The following CDH19 variants were observed in gnomAD, a reference collection of about 807,000 sequenced individuals.
CDH19 encodes the protein cadherin-19.
CDH19 carries 67 observed loss-of-function variants against 64.2 expected under a neutral mutation model. That is an observed-to-expected ratio of 1.04 (90% CI 0.86 to 1.28). The LOEUF (loss-of-function observed/expected upper bound fraction) is 1.28, where lower values mean the gene tolerates loss of function less well. CDH19 is among the 50% of genes most tolerant of loss of function. The pLI, the probability that CDH19 is intolerant of heterozygous loss-of-function variation, is 0.00. For missense variants in CDH19, 1,030 were observed against 929.0 expected, an observed-to-expected ratio of 1.11 and a Z score of -1.41; for synonymous variants, 346 against 319.3, an observed-to-expected ratio of 1.08 and a Z score of -0.89.
chr18:66,589,456 T>C (rs1321511164), intron 1 of CDH19, among the ~76,000 whole-genome samples: 2 of 151,906 alleles, frequency 1.3e-5, no homozygotes, highest in African/African-American at 4.8e-5. Context: ...GTATAGTAAA[T>C]AAACCATTGT....
intron 1 of CDH19, among the ~76,000 whole-genome samples, chr18:66,594,036 T>G (rs145626381): frequency 6.6e-6 from 1 of 152,218 alleles, no homozygotes; most frequent in Non-Finnish European, 1.5e-5. Flanking sequence ...ATCTGTTTCA[T>G]GTACAATGAC....
At chr18:66,517,205 C>G (rs1419335414) in intron 9 of CDH19, among the ~76,000 whole-genome samples, 1 of 151,714 alleles carries the variant, frequency 6.6e-6, no homozygotes, top group Non-Finnish European at 1.5e-5. Flanking sequence ...AACTTTTGGA[C>G]ACAAAAGTGA....
intron 1 of CDH19, among the ~76,000 whole-genome samples, chr18:66,600,990 C>T (rs1989024295): frequency 1.3e-5 from 2 of 151,822 alleles, no homozygotes; most frequent in Admixed American, 6.6e-5. Flanking sequence ...GGAAGAGTTA[C>T]ATTTTGCTTT....
chr18:66,523,729 C>G (rs1986093810), intron 9 of CDH19, among the ~76,000 whole-genome samples: 1 of 151,818 alleles, frequency 6.6e-6, no homozygotes, highest in East Asian at 1.9e-4. Flanking sequence ...TGGGGAAAAG[C>G]ACCACACAAA....
intron 5 of CDH19, 151 bp from the exon 6 acceptor site, chr18:66,545,054 C>T (rs1987055845): frequency 3.7e-6 from 2 of 537,588 alleles, no homozygotes; most frequent in South Asian, 3.3e-5. Flanking sequence ...TCTCGGTTCA[C>T]TGCAATCTCT....
intron 9 of CDH19, among the ~76,000 whole-genome samples, chr18:66,519,040 T>G (rs1390700355): frequency 6.6e-6 from 1 of 152,148 alleles, no homozygotes; most frequent in Non-Finnish European, 1.5e-5. Flanking sequence ...AAAATCAACC[T>G]CTATAACACA....
At chr18:66,522,729 TA>T (rs1986051180) in intron 9 of CDH19, among the ~76,000 whole-genome samples, 1 of 151,558 alleles carries the variant, frequency 6.6e-6, no homozygotes, top group South Asian at 2.1e-4. Flanking sequence ...CATTTAAGCT[TA>T]AAGAGTTCTG....
At position 66,505,046 on chromosome 18, in the gene CDH19, G is replaced by T. The variant is rs766733858; in HGVS notation, c.2085C>A (p.Phe695Leu). ...SLQVGPDSAI[F>L]RKFILEKLEE... ...CGAGCTTTTCCAGAATGAATTTCCTGAATATGGCACTGTCGGGGCCAACTT... is the reference window on the plus strand; with the variant it reads ...CGAGCTTTTCCAGAATGAATTTCCTTAATATGGCACTGTCGGGGCCAACTT... Residue 695 changes from phenylalanine to leucine, a missense_variant, in exon 12 of 12, where the codon TTC (phenylalanine) becomes TTA (leucine). Transcript: ENST00000262150. 6.2e-7 allele frequency: 1 copy of T among 1,613,518 alleles called. No homozygotes were observed. The highest frequency in any genetic ancestry group is 8.5e-7 in the Non-Finnish European group (1 of 1,179,768).
At position 66,544,757 on chromosome 18, in the gene CDH19, T is replaced by G. The variant is rs781464637; in HGVS notation, c.922A>C (p.Asn308His). Residue 308 changes from asparagine (N) to histidine (H), a missense_variant, in exon 6 of 12, where the codon AAT becomes CAT. By Grantham distance (68) the Asn-to-His change is moderately conservative (BLOSUM62 1). Coordinates refer to ENST00000262150, the MANE Select transcript of CDH19 (RefSeq NM_021153.4). ...DDSQTFDIIT[N>H]HETQEGIVIL... ...ACTATTCCTTCTTGAGTTTCATGAT[T>G]AGTAATAATGTCAAATGTTTGCGAA... is the stretch of plus-strand genomic sequence containing the variant. The G allele has an allele frequency of 6.1e-5, 99 of 1,611,166 alleles. No homozygotes were observed. The highest frequency in any genetic ancestry group is 8.1e-5 in the Non-Finnish European group (96 of 1,178,254).
Position 66,544,787 on chromosome 18 carries a change from C to T in CDH19, c.892G>A (p.Asp298Asn). ...ATAATGTCAAATGTTTGCGAATCAT[C>T]CTCTTCAATGCTGTAATCCATTTCT... ...NAEMDYSIEE[D>N]DSQTFDIITN... Residue 298 changes from aspartate to asparagine, a missense_variant, in exon 6 of 12, where the codon GAT becomes AAT. Transcript: ENST00000262150. 6.2e-7 allele frequency: 1 copy of T among 1,612,142 alleles called. No individual in the cohort carries two copies. Among genetic ancestry groups the T allele is most frequent in the Non-Finnish European group, 8.5e-7 (1 of 1,178,440 alleles).
chr18:66,600,091 A>C (rs1989001546), intron 1 of CDH19, among the ~76,000 whole-genome samples: 1 of 151,922 alleles, frequency 6.6e-6, no homozygotes, highest in Non-Finnish European at 1.5e-5. Flanking sequence ...TAGAATAAAC[A>C]TACTTTCTTT....
intron 1 of CDH19, among the ~76,000 whole-genome samples, chr18:66,602,716 G>A (rs1989067305): frequency 6.6e-6 from 1 of 151,746 alleles, no homozygotes; most frequent in Non-Finnish European, 1.5e-5. Context: ...GAAAACATAT[G>A]TAAAGGAAAG....
At chr18:66,567,330 G>T (rs933895783) in intron 3 of CDH19, among the ~76,000 whole-genome samples, 1 of 151,260 alleles carries the variant, frequency 6.6e-6, no homozygotes, top group Non-Finnish European at 1.5e-5. Flanking sequence ...AGAGGGGAGG[G>T]CAGTAAGGGA....
At chr18:66,569,931 G>A (rs1442032568) in intron 2 of CDH19, among the ~76,000 whole-genome samples, 1 of 151,580 alleles carries the variant, frequency 6.6e-6, no homozygotes, top group African/African-American at 2.4e-5. Flanking sequence ...TGCGGTTGTG[G>A]AGAAAATCTG....
chr18:66,530,470 G>A (rs897764522), intron 8 of CDH19, among the ~76,000 whole-genome samples: 3 of 151,852 alleles, frequency 2.0e-5, no homozygotes, highest in Admixed American at 2.0e-4. Context: ...AATTTAGGGC[G>A]TAGCTTTTAA....
At chr18:66,548,764 A>G (rs1482651970) in intron 5 of CDH19, among the ~76,000 whole-genome samples, 4 of 152,210 alleles carry the variant, frequency 2.6e-5, no homozygotes. Context: ...AAGTATGAAC[A>G]ATATTTTAAA....
intron 9 of CDH19, among the ~76,000 whole-genome samples, chr18:66,522,103 T>C (rs1266837472): frequency 3.3e-5 from 5 of 151,060 alleles, no homozygotes; most frequent in Non-Finnish European, 1.5e-5. Flanking sequence ...CCCGCCACCA[T>C]GCCCGGCAAT....
chr18:66,534,951 CA>C (rs1205022993), intron 8 of CDH19, 34 bp downstream of exon 8: 6 of 1,381,992 alleles, frequency 4.3e-6, no homozygotes, highest in Non-Finnish European at 5.7e-6. Flanking sequence ...CAAAATATGG[CA>C]AACAACTGTA....
chr18:66,505,690 G>A (rs1015751086), intron 11 of CDH19, among the ~76,000 whole-genome samples: 4 of 151,018 alleles, frequency 2.6e-5, no homozygotes, highest in South Asian at 4.1e-4. Flanking sequence ...ACCTGAATGC[G>A]TTTGTCAACT....
Sources: gnomAD v4.1 joint callset for allele counts (sites outside exome capture counted in the v4.1 genomes callset) on GRCh38, gnomAD v4.1.1 for gene constraint, MANE v1.5 for transcripts, NCBI Gene and HGNC (gene_info 2026-07-23, HGNC 2026-07-21) for gene names.